The following ERN1 variants were observed in gnomAD, a reference collection of about 807,000 sequenced individuals.
The protein encoded by ERN1 is endoplasmic reticulum to nucleus signaling 1.
In ERN1, 39 loss-of-function variants were observed where a neutral mutation model predicts 113.1. That is an observed-to-expected ratio of 0.34 (90% confidence interval 0.27 to 0.45). The LOEUF (loss-of-function observed/expected upper bound fraction) is 0.45. Ranked by LOEUF, ERN1 falls within the 20% of genes least tolerant of loss-of-function variation. ERN1 has a pLI of 1.00. For synonymous variants in ERN1, 507 were observed against 515.9 expected (o/e 0.98, Z 0.23); for missense variants, 976 against 1,274.8 (o/e 0.77, Z 3.57).
chr17:64,062,760 C>G (rs1039172737), intron 10 of ERN1, among the ~76,000 whole-genome samples: 1 of 152,116 alleles, frequency 6.6e-6, no homozygotes, highest in East Asian at 1.9e-4. Context: ...CTATTTTTTT[C>G]TCACCATGGG....
chr17:64,059,848 ATTTTTTT>A (rs57472561), intron 11 of ERN1, among the ~76,000 whole-genome samples: 10 of 114,588 alleles, frequency 8.7e-5, no homozygotes, highest in Non-Finnish European at 8.8e-5. Context: ...TTCTTCAACA[ATTTTTTT>A]TTTTTTTTTT....
chr17:64,121,279 C>T (rs1914947944), intron 1 of ERN1, among the ~76,000 whole-genome samples: 2 of 152,202 alleles, frequency 1.3e-5, no homozygotes, highest in Non-Finnish European at 2.9e-5. Flanking sequence ...CACGGTAATG[C>T]AAGAGTTCTA....
intron 1 of ERN1, 184 bp downstream of exon 1, chr17:64,129,792 A>C (rs1915186270): frequency 8.7e-6 from 4 of 460,122 alleles, no homozygotes; most frequent in Non-Finnish European, 1.4e-5. Flanking sequence ...CCGTCAGGGA[A>C]GCTCTCCCGG....
chr17:64,127,750 T>A, intron 1 of ERN1, among the ~76,000 whole-genome samples: 1 of 122,672 alleles, frequency 8.2e-6, no homozygotes, highest in African/African-American at 3.6e-5. Context: ...GCGAAGAAAC[T>A]CCATATCAAA....
intron 1 of ERN1, among the ~76,000 whole-genome samples, chr17:64,118,818 G>A (rs1303339963): frequency 6.6e-6 from 1 of 152,172 alleles, no homozygotes; most frequent in Non-Finnish European, 1.5e-5. Context: ...CCTGACTCAG[G>A]CAATGAGGCT....
At chr17:64,057,751 A>G (rs1912918531) in intron 12 of ERN1, 51 bp downstream of exon 12, 2 of 1,527,598 alleles carry the variant, frequency 1.3e-6, no homozygotes, top group African/African-American at 2.7e-5. Flanking sequence ...GGCGACAGGC[A>G]GAGAAGCCCC....
chr17:64,103,966 T>C (rs965687065), intron 1 of ERN1, among the ~76,000 whole-genome samples: 5 of 151,920 alleles, frequency 3.3e-5, no homozygotes, highest in Non-Finnish European at 7.4e-5. Flanking sequence ...TTCCTGGGCA[T>C]GGTGACTCAC....
intron 4 of ERN1, among the ~76,000 whole-genome samples, chr17:64,076,673 C>T (rs985880336): frequency 6.6e-6 from 1 of 151,642 alleles, no homozygotes; most frequent in African/African-American, 2.4e-5. Context: ...GATCTCGGCT[C>T]ACTGCAAGCT....
At chr17:64,122,813 T>C (rs1380847516) in intron 1 of ERN1, among the ~76,000 whole-genome samples, 6 of 152,232 alleles carry the variant, frequency 3.9e-5, no homozygotes, top group East Asian at 1.9e-4. Context: ...AGGTTCGTTT[T>C]TGTTTTAAAG....
chr17:64,081,407 C>G (rs1913763864), intron 2 of ERN1, among the ~76,000 whole-genome samples: 1 of 152,020 alleles, frequency 6.6e-6, no homozygotes, highest in Non-Finnish European at 1.5e-5. Context: ...GGTTTTTGTA[C>G]AAAGATGTGT....
In ERN1 at chr17:64,044,032, C is replaced by A; in HGVS notation, c.2890G>T (p.Glu964Ter). Reference sequence around the variant, plus strand: ...ACTGGGGGCTGGGGCTCTGGGGGCTCGTGGAAGTAGTAGGGCTGGAAGAGT... The same window carrying A: ...ACTGGGGGCTGGGGCTCTGGGGGCTAGTGGAAGTAGTAGGGCTGGAAGAGT... ...ERLFQPYYFH[E>*]PPEPQPPVTP... is the part of the protein sequence containing the mutation. The change falls in exon 22 of 22, where the codon GAG becomes TAG. Residue 964 changes from glutamate to a stop codon, truncating the protein, a stop_gained. Transcript: ENST00000433197. LOFTEE classifies it high-confidence loss of function. The surrounding 1 kb of genome is among the most constrained non-coding windows in gnomAD (Gnocchi z 4.1). 6.2e-7 allele frequency: 1 copy of A among 1,613,116 alleles called. No individual in the cohort carries two copies. Among genetic ancestry groups the A allele is most frequent in the Non-Finnish European group, 8.5e-7 (1 of 1,179,630 alleles).
At chr17:64,128,964 G>A (rs758620191) in intron 1 of ERN1, 1 of 152,130 alleles carries the variant, frequency 6.6e-6, no homozygotes, top group African/African-American at 2.4e-5. Flanking sequence ...GGGACACCTG[G>A]TACATGATAT....
intron 1 of ERN1, among the ~76,000 whole-genome samples, chr17:64,108,323 C>T (rs1474579578): frequency 6.6e-6 from 1 of 152,094 alleles, no homozygotes; most frequent in Non-Finnish European, 1.5e-5. Context: ...GGCTGAGTGT[C>T]TGAGTTCAAC....
At position 64,044,671 on chromosome 17, in the gene ERN1, G is replaced by A. The variant is rs746426366; in HGVS notation, c.2721+189C>T. Reference sequence around the variant, plus strand: ...TTCCCGGAGCTTCACCTGCACCTACGTCCCTGAAGGGAAAATCAGCGTAAG... The same window carrying A: ...TTCCCGGAGCTTCACCTGCACCTACATCCCTGAAGGGAAAATCAGCGTAAG... On this transcript the variant is annotated intron_variant, in intron 21 of 21. Transcript: ENST00000433197. This position sits in a 1 kb window ranked among gnomAD's most constrained non-coding sequence, Gnocchi z 4.1. 1.3e-5 allele frequency among the ~76,000 whole-genome samples: 2 copies of A among 152,220 alleles called. No individual in the cohort carries two copies. Among genetic ancestry groups the A allele is most frequent in the Admixed American group, 6.5e-5 (1 of 15,286 alleles).
intron 1 of ERN1, among the ~76,000 whole-genome samples, chr17:64,113,346 T>C (rs1914721419): frequency 6.6e-6 from 1 of 152,234 alleles, no homozygotes; most frequent in South Asian, 2.1e-4. Context: ...AATTCAACCA[T>C]GATTCACATT....
Position 64,055,856 on chromosome 17 carries a change from G to A in ERN1, c.1491C>T (p.Pro497=). The A allele has an allele frequency of 1.3e-6, 2 of 1,552,888 alleles. No homozygotes were observed. Among genetic ancestry groups the A allele is most frequent in the Non-Finnish European group, 1.7e-6 (2 of 1,147,896 alleles). Residue 497 remains proline, a synonymous_variant, in exon 13 of 22, where the codon CCC becomes CCT. Transcript: ENST00000433197. ...GAGCCGTGTCTCCAGGTGGGTGGAA[G>A]GGCAGCTGCTGCTGCTGCTGCTGCA... is the stretch of plus-strand genomic sequence containing the variant. ...QLLQQQQQQL[P]FHPPGDTAQD... is the part of the protein sequence containing the mutation.
Position 64,054,047 on chromosome 17 carries a change from T to G in ERN1, c.1953+203A>C. ...CTTGATCTCCCAGGCTCAAGCAATC[T>G]TCCCACCTCAGCCTCCCAAGTAGCT... On this transcript the variant is annotated intron_variant, in intron 15 of 21. Transcript: ENST00000433197. This position sits in a 1 kb window ranked among gnomAD's most constrained non-coding sequence, Gnocchi z 4.9. 1 of 501,478 alleles carries G rather than the reference T, an allele frequency of 2.0e-6. No individual in the cohort carries two copies. The highest frequency in any genetic ancestry group is 3.6e-6 in the Non-Finnish European group (1 of 279,888). 31.1% of individuals were successfully genotyped at this position (501,478 alleles called of 1,614,324 possible). A position where few individuals can be genotyped will look rare whatever the true frequency, so the allele number is the denominator to read the frequency against.
Position 64,063,627 on chromosome 17 carries a change from TCA to T in ERN1, c.1087+357_1087+358del, listed in dbSNP as rs1913120986. On this transcript the variant is annotated intron_variant, in intron 10 of 21. Transcript: ENST00000433197. The surrounding 1 kb of genome is among the most constrained non-coding windows in gnomAD (Gnocchi z 5.1). ...AGTTAATTCTTCCATAGAAACAGTC[TCA>T]GTTTTCTTAACTATAAAATGGAAAT... 6.6e-6 allele frequency among the ~76,000 whole-genome samples: 1 copy of T among 152,104 alleles called. No individual in the cohort carries two copies. The highest frequency in any genetic ancestry group is 2.4e-5 in the African/African-American group (1 of 41,378).
chr17:64,123,897 G>A (rs1351351665), intron 1 of ERN1, among the ~76,000 whole-genome samples: 2 of 152,204 alleles, frequency 1.3e-5, no homozygotes, highest in African/African-American at 4.8e-5. Flanking sequence ...TAATGTTGCA[G>A]AATTAAGCTG....
Sources: gnomAD v4.1 joint callset for allele counts (sites outside exome capture counted in the v4.1 genomes callset) on GRCh38, gnomAD v4.1.1 for gene constraint, Gnocchi (gnomAD v3.1) non-coding constraint, MANE v1.5 for transcripts, NCBI Gene and HGNC (gene_info 2026-07-23, HGNC 2026-07-21) for gene names.